Variants in SMOC1 observed in about 807,000 individuals in gnomAD.
SMOC1 encodes the protein SPARC-related modular calcium-binding protein 1.
Under a neutral mutation model 56.3 loss-of-function variants are expected in SMOC1, and 22 were observed. The ratio of observed to expected loss-of-function variants is 0.39; its 90% CI spans 0.28 to 0.56. The LOEUF (loss-of-function observed/expected upper bound fraction) is 0.56. Among genes scored for constraint, SMOC1 ranks in the 20% least tolerant of loss-of-function variants. The pLI, the probability that SMOC1 is intolerant of heterozygous loss-of-function variation, is 0.61. For synonymous variants in SMOC1, 193 were observed against 215.0 expected (o/e 0.90, Z 0.89); for missense variants, 509 against 565.4 (o/e 0.90, Z 1.01).
At chr14:69,947,250 A>C (rs762138156) in intron 1 of SMOC1, among the ~76,000 whole-genome samples, 2 of 151,976 alleles carry the variant, frequency 1.3e-5, no homozygotes, top group African/African-American at 2.4e-5. Context: ...GGCTCACTGC[A>C]GCCTTCACCT....
At chr14:69,916,056 A>G (rs966804512) in intron 1 of SMOC1, among the ~76,000 whole-genome samples, 1 of 152,200 alleles carries the variant, frequency 6.6e-6, no homozygotes, top group Admixed American at 6.5e-5. Flanking sequence ...TTCTTGCTCA[A>G]CATCTCTATG....
At chr14:70,026,338 G>T (rs1885923568) in intron 11 of SMOC1, among the ~76,000 whole-genome samples, 1 of 152,218 alleles carries the variant, frequency 6.6e-6, no homozygotes, top group Non-Finnish European at 1.5e-5. Context: ...GTTCTGGTCT[G>T]CACAGCACAC....
At chr14:69,958,739 A>G (rs562308284) in intron 3 of SMOC1, among the ~76,000 whole-genome samples, 265 of 152,346 alleles carry the variant, frequency 1.7e-3, no homozygotes, top group Non-Finnish European at 2.9e-3. Flanking sequence ...CTATTTAGCC[A>G]CAAGGATTAC....
intron 10 of SMOC1, among the ~76,000 whole-genome samples, 163 bp from the exon 11 acceptor site, chr14:70,023,040 G>A (rs1885787283): frequency 6.6e-6 from 1 of 152,200 alleles, no homozygotes; most frequent in Non-Finnish European, 1.5e-5. Context: ...TTGAGTCGGA[G>A]AGGATGGCTT....
chr14:69,906,491 G>A (rs752881891), intron 1 of SMOC1, among the ~76,000 whole-genome samples: 11 of 152,320 alleles, frequency 7.2e-5, no homozygotes, highest in African/African-American at 1.4e-4. Context: ...GCCCCCAGCC[G>A]TAAATTCAAC....
At chr14:69,917,232 G>A (rs1443820404) in intron 1 of SMOC1, among the ~76,000 whole-genome samples, 1 of 152,214 alleles carries the variant, frequency 6.6e-6, no homozygotes, top group African/African-American at 2.4e-5. Context: ...AACAGGGCTG[G>A]AACTTTGAAG....
intron 3 of SMOC1, among the ~76,000 whole-genome samples, chr14:69,968,424 C>T (rs763660393): frequency 6.6e-6 from 1 of 152,224 alleles, no homozygotes; most frequent in Non-Finnish European, 1.5e-5. Flanking sequence ...GAGAGATGTT[C>T]TTGGGGGTGG....
At chr14:70,022,373 T>A (rs1021665285) in intron 10 of SMOC1, among the ~76,000 whole-genome samples, 1 of 152,170 alleles carries the variant, frequency 6.6e-6, no homozygotes, top group Non-Finnish European at 1.5e-5. Flanking sequence ...GATGTGCTTG[T>A]GACTCTGCCT....
In SMOC1 at chr14:70,003,044, C is replaced by T. The variant is rs530760916; in HGVS notation, c.665-7710C>T. On this transcript the variant is annotated intron_variant, in intron 7 of 11. Transcript: ENST00000361956. The stretch of plus-strand genomic sequence containing the variant: ...TCCCGACACCACACTCTCACATGCT[C>T]GCACGCTGACCTAGAGAATCCTGAG... 9.8e-5 allele frequency among the ~76,000 whole-genome samples: 15 copies of T among 152,316 alleles called. No homozygotes were observed. In the East Asian group the frequency reaches 2.7e-3, roughly 27 times the overall value.
intron 1 of SMOC1, among the ~76,000 whole-genome samples, chr14:69,890,731 A>G (rs550940982): frequency 8.8e-4 from 134 of 152,334 alleles, no homozygotes; most frequent in African/African-American, 2.8e-3. Flanking sequence ...GCTTTAAAGG[A>G]GAGTTTTCAA....
At position 69,879,447 on chromosome 14, in the gene SMOC1, C is replaced by T; in HGVS notation, c.-232C>T. ...CCAACCTGCTGCCGCCTGGGCCCCG[C>T]CGAGCGGAGCTAGCGCCGCGCGCAG... On this transcript the variant is annotated 5_prime_UTR_variant, in exon 1 of 12. Coordinates refer to ENST00000361956, the MANE Select transcript of SMOC1 (RefSeq NM_001034852.3). 2 of 386,314 alleles carry T rather than the reference C, an allele frequency of 5.2e-6. No individual in the cohort carries two copies. The highest frequency in any genetic ancestry group is 6.8e-4 in the Middle Eastern group (1 of 1,476). 23.9% of individuals were successfully genotyped at this position (386,314 alleles called of 1,614,324 possible).
chr14:69,984,739 C>T (rs1018238049), intron 5 of SMOC1, among the ~76,000 whole-genome samples: 9 of 151,788 alleles, frequency 5.9e-5, no homozygotes, highest in African/African-American at 2.2e-4. Flanking sequence ...CCTGTAATCC[C>T]AGCTACTCAG....
chr14:70,011,989 C>T (rs554932807), intron 9 of SMOC1, among the ~76,000 whole-genome samples: 118 of 152,302 alleles, frequency 7.7e-4, no homozygotes, highest in African/African-American at 2.7e-3. Context: ...CACAGGACGA[C>T]CATGGAGTGT....
Position 70,023,240 on chromosome 14 carries a change from C to G in SMOC1, c.1084C>G (p.Arg362Gly), listed in dbSNP as rs140885357. The G allele has an allele frequency of 1.7e-5, 28 of 1,614,080 alleles. No individual in the cohort carries two copies. The highest frequency in any genetic ancestry group is 2.1e-5 in the Non-Finnish European group (25 of 1,180,018). ...EPDPSHTLEE[R>G]VVHWYFSQLD... is the part of the protein sequence containing the mutation. Reference sequence around the variant, plus strand: ...AGACCCCAGCCACACCCTGGAGGAGCGGGTAGTGCACTGGTATTTCAGCCA... The same window carrying G: ...AGACCCCAGCCACACCCTGGAGGAGGGGGTAGTGCACTGGTATTTCAGCCA... Residue 362 changes from arginine (R) to glycine (G), a missense_variant, in exon 11 of 12, where the codon CGG (arginine) becomes GGG (glycine). Arg to Gly is a moderately radical substitution (Grantham distance 125, BLOSUM62 -2). This residue lies in a region of SMOC1 where 176 missense variants were observed against 188.1 expected (regional missense o/e 0.94). Transcript: ENST00000361956.
chr14:69,987,817 C>T (rs987678576), intron 5 of SMOC1, among the ~76,000 whole-genome samples: 4 of 152,288 alleles, frequency 2.6e-5, no homozygotes, highest in Middle Eastern at 3.4e-3. Flanking sequence ...GTGCGTGGGC[C>T]AGGCCTTCTC....
chr14:69,918,978 T>G (rs918166749), intron 1 of SMOC1, among the ~76,000 whole-genome samples: 35 of 152,178 alleles, frequency 2.3e-4, no homozygotes, highest in African/African-American at 8.4e-4. Flanking sequence ...TCGTGGGTTT[T>G]TTTGTTTGTT....
At chr14:70,002,998 C>G (rs979689662) in intron 7 of SMOC1, among the ~76,000 whole-genome samples, 7 of 152,292 alleles carry the variant, frequency 4.6e-5, no homozygotes, top group Admixed American at 3.9e-4. Flanking sequence ...AATTCTCAGC[C>G]ACCCTACAGT....
At chr14:70,027,878 C>T (rs1458875121) in intron 11 of SMOC1, among the ~76,000 whole-genome samples, 2 of 151,878 alleles carry the variant, frequency 1.3e-5, no homozygotes, top group African/African-American at 2.4e-5. Context: ...TTCAGAACTG[C>T]CCCCTCCATC....
At chr14:69,987,787 G>A (rs1218676771) in intron 5 of SMOC1, among the ~76,000 whole-genome samples, 3 of 152,178 alleles carry the variant, frequency 2.0e-5, no homozygotes, top group South Asian at 2.1e-4. Flanking sequence ...ATCGGGGGTC[G>A]AAGTGACTTC....
Sources: allele counts gnomAD v4.1 joint callset (sites outside exome capture counted in the v4.1 genomes callset), GRCh38; gene constraint gnomAD v4.1.1; regional missense constraint gnomAD v4.1.1; transcripts MANE v1.5; gene names NCBI Gene and HGNC (gene_info 2026-07-23, HGNC 2026-07-21).